HUNK: variants seen among roughly 807,000 people sequenced by gnomAD.
HUNK encodes hormonally up-regulated Neu-associated kinase.
A neutral mutation model predicts 61.0 loss-of-function variants in HUNK; 21 were observed. The ratio of observed to expected loss-of-function variants is 0.34; its 90% CI spans 0.24 to 0.50. The LOEUF is 0.50. HUNK is among the 20% of genes least tolerant of loss of function. The probability of loss-of-function intolerance (pLI) is 0.98; values close to 1 mark genes in which losing one functional copy is unlikely to be tolerated. For synonymous variants in HUNK, 371 were observed against 386.1 expected (o/e 0.96, Z 0.46); for missense variants, 772 against 945.7 (o/e 0.82, Z 2.41).
At chr21:31,896,499 A>T (rs946455042) in intron 1 of HUNK, among the ~76,000 whole-genome samples, 2 of 152,210 alleles carry the variant, frequency 1.3e-5, no homozygotes, top group Non-Finnish European at 2.9e-5. Context: ...GAGTAAGGAA[A>T]TCAATAATAT....
chr21:31,892,135 A>G (rs1443757047), intron 1 of HUNK, among the ~76,000 whole-genome samples: 1 of 135,376 alleles, frequency 7.4e-6, no homozygotes, highest in East Asian at 2.1e-4. Context: ...ATGGTATTCA[A>G]TGAGAATTTG....
At chr21:31,878,104 C>A (rs1050257463) in intron 1 of HUNK, among the ~76,000 whole-genome samples, 2 of 151,162 alleles carry the variant, frequency 1.3e-5, no homozygotes, top group Admixed American at 6.6e-5. Context: ...AATAAAAATG[C>A]AAAAATTAGC....
intron 2 of HUNK, among the ~76,000 whole-genome samples, chr21:31,927,658 C>G (rs1362999536): frequency 1.3e-5 from 2 of 151,398 alleles, no homozygotes; most frequent in Non-Finnish European, 2.9e-5. Context: ...AAAAAAAAAG[C>G]CATTTATTTT....
chr21:31,956,902 A>G (rs913743809), intron 4 of HUNK, among the ~76,000 whole-genome samples: 1 of 152,180 alleles, frequency 6.6e-6, no homozygotes. Context: ...AAACACACAC[A>G]GGGAAATGCC....
intron 1 of HUNK, among the ~76,000 whole-genome samples, chr21:31,880,021 G>T (rs1210331310): frequency 6.6e-6 from 1 of 152,186 alleles, no homozygotes; most frequent in Non-Finnish European, 1.5e-5. Flanking sequence ...ACGATGACCA[G>T]CAGGAAAGAG....
At chr21:31,921,765 T>G (rs2052624211) in intron 1 of HUNK, among the ~76,000 whole-genome samples, 1 of 152,220 alleles carries the variant, frequency 6.6e-6, no homozygotes, top group Non-Finnish European at 1.5e-5. Context: ...CGTTCACTAT[T>G]TTGTTTAATT....
chr21:31,901,109 A>AAAT (rs1375869950), intron 1 of HUNK, among the ~76,000 whole-genome samples: 1 of 152,216 alleles, frequency 6.6e-6, no homozygotes, highest in African/African-American at 2.4e-5. Flanking sequence ...GGGTACACAC[A>AAAT]AATAATGTCG....
At chr21:31,958,821 A>T (rs780860525) in intron 4 of HUNK, 22 bp from the exon 5 acceptor site, 17 of 1,559,702 alleles carry the variant, frequency 1.1e-5, no homozygotes, top group Non-Finnish European at 1.1e-5. Context: ...CTCCGCTTTC[A>T]TGTGTATGTC....
chr21:31,990,004 C>T, intron 8 of HUNK, 125 bp from the exon 9 acceptor site: 1 of 840,210 alleles, frequency 1.2e-6, no homozygotes, highest in Non-Finnish European at 2.0e-6. Context: ...TCAGGATTTG[C>T]TTTCTGTCTA....
chr21:31,912,631 T>C (rs1480300573), intron 1 of HUNK, among the ~76,000 whole-genome samples: 1 of 152,022 alleles, frequency 6.6e-6, no homozygotes, highest in Non-Finnish European at 1.5e-5. Context: ...AGCGTCAACC[T>C]CCCAGGGTCA....
intron 3 of HUNK, among the ~76,000 whole-genome samples, chr21:31,943,772 C>G (rs1416456728): frequency 6.6e-6 from 1 of 152,026 alleles, no homozygotes; most frequent in Non-Finnish European, 1.5e-5. Flanking sequence ...GTCCTTCTTT[C>G]TGGACCTCAG....
At chr21:31,932,487 A>C (rs2123822324) in intron 2 of HUNK, among the ~76,000 whole-genome samples, 1 of 152,016 alleles carries the variant, frequency 6.6e-6, no homozygotes, top group African/African-American at 2.4e-5. Context: ...GCTGTGGGGG[A>C]ACCTTGAATG....
At position 31,908,047 on chromosome 21, in the gene HUNK, TA is replaced by T. The variant is rs542463914; in HGVS notation, c.262-16414del. Among the ~76,000 whole-genome samples the T allele has an allele frequency of 1.6e-4, 24 of 152,198 alleles. No homozygotes were observed. In the South Asian group the frequency reaches 5.0e-3, roughly 32 times the overall value. The stretch of plus-strand genomic sequence containing the variant: ...TTTTATTTAGGTGTTTTTACCGCAA[TA>T]AAAAAATTTTTTTTAAATGAACAAA... On this transcript the variant is annotated intron_variant, in intron 1 of 10. Coordinates refer to ENST00000270112, the MANE Select transcript of HUNK (RefSeq NM_014586.2).
intron 7 of HUNK, among the ~76,000 whole-genome samples, chr21:31,981,060 A>T (rs1231185931): frequency 6.6e-6 from 1 of 152,142 alleles, no homozygotes; most frequent in East Asian, 1.9e-4. Flanking sequence ...ACAGGGTCTG[A>T]TTTCATTCTC....
intron 10 of HUNK, 110 bp downstream of exon 10, chr21:31,996,058 T>C: frequency 1.2e-6 from 1 of 835,348 alleles, no homozygotes; most frequent in Non-Finnish European, 1.8e-6. Context: ...ATGATTCCTG[T>C]GCCCACAGAA....
At chr21:31,912,188 A>G (rs2052550625) in intron 1 of HUNK, among the ~76,000 whole-genome samples, 2 of 152,018 alleles carry the variant, frequency 1.3e-5, no homozygotes, top group Admixed American at 1.3e-4. Flanking sequence ...GTTGTTATCC[A>G]GGGCATGCTG....
At chr21:31,939,882 G>A (rs1013682310) in intron 2 of HUNK, among the ~76,000 whole-genome samples, 1 of 151,876 alleles carries the variant, frequency 6.6e-6, no homozygotes, top group Admixed American at 6.6e-5. Flanking sequence ...TTAACTTCCA[G>A]GTTCCAGTTT....
intron 1 of HUNK, among the ~76,000 whole-genome samples, chr21:31,875,560 CTCGATTCGAT>C (rs766406419): frequency 3.3e-5 from 5 of 152,176 alleles, no homozygotes; most frequent in Admixed American, 1.3e-4. Flanking sequence ...ACTTACACTC[CTCGATTCGAT>C]TCGATTCGAT....
At position 31,999,245 on chromosome 21, in the gene HUNK, T is replaced by G. The variant is rs1226691480; in HGVS notation, c.*61T>G. On this transcript the variant is annotated 3_prime_UTR_variant, in exon 11 of 11. Transcript: ENST00000270112. ...CAGCAACTGAACAGAGCTCCACACA[T>G]CTGTCAGGGTGTGAGCACTCCAAGG... 4 of 1,437,658 alleles carry G rather than the reference T, an allele frequency of 2.8e-6. No homozygotes were observed. Among genetic ancestry groups the G allele is most frequent in the East Asian group, 4.6e-5 (2 of 43,758 alleles). The allele number at this position is 1,437,658 out of a possible 1,614,324, so 89.1% of individuals were successfully genotyped here. A position where few individuals can be genotyped will look rare whatever the true frequency, so the allele number is the denominator to read the frequency against.
Sources: allele counts gnomAD v4.1 joint callset (sites outside exome capture counted in the v4.1 genomes callset), GRCh38; gene constraint gnomAD v4.1.1; transcripts MANE v1.5; gene names NCBI Gene and HGNC (gene_info 2026-07-23, HGNC 2026-07-21).